MSRA: variants seen among roughly 807,000 people sequenced by gnomAD.
MSRA encodes mitochondrial peptide methionine sulfoxide reductase.
Under a neutral mutation model 31.3 loss-of-function variants are expected in MSRA, and 54 were observed. That is an observed-to-expected ratio of 1.73 (90% CI 1.39 to 2.17). The LOEUF is 2.17. MSRA is among the 30% of genes most tolerant of loss of function. The pLI, the probability that MSRA is intolerant of heterozygous loss-of-function variation, is 0.00. For synonymous variants in MSRA, 169 were observed against 116.5 expected (o/e 1.45, Z -2.90); for missense variants, 507 against 300.9 (o/e 1.69, Z -5.07).
chr8:10,347,174 C>T (rs1803834790), intron 5 of MSRA, among the ~76,000 whole-genome samples: 1 of 152,186 alleles, frequency 6.6e-6, no homozygotes, highest in African/African-American at 2.4e-5. Context: ...CTGTCTTGTT[C>T]ATCACTGTAT....
At chr8:10,274,801 A>G (rs1799235037) in intron 3 of MSRA, among the ~76,000 whole-genome samples, 4 of 151,884 alleles carry the variant, frequency 2.6e-5, no homozygotes, top group Admixed American at 2.6e-4. Flanking sequence ...TCATCTAACC[A>G]TTCATCCATC....
chr8:10,081,834 C>T (rs574318474), intron 1 of MSRA, among the ~76,000 whole-genome samples: 5 of 152,242 alleles, frequency 3.3e-5, no homozygotes, highest in South Asian at 2.1e-4. Flanking sequence ...AGATTCGAAG[C>T]GGGGACCTCT....
chr8:10,401,224 C>T (rs1031845429), intron 5 of MSRA, among the ~76,000 whole-genome samples: 1 of 151,908 alleles, frequency 6.6e-6, no homozygotes, highest in Non-Finnish European at 1.5e-5. Flanking sequence ...AGAAAGTAAC[C>T]CCCTTGAAAA....
chr8:10,152,933 T>C (rs890171707), intron 1 of MSRA, among the ~76,000 whole-genome samples: 1 of 152,144 alleles, frequency 6.6e-6, no homozygotes, highest in Non-Finnish European at 1.5e-5. Flanking sequence ...GTAATTCCAC[T>C]GAGTCGAGGT....
At chr8:10,204,916 A>C (rs768245956) in intron 1 of MSRA, among the ~76,000 whole-genome samples, 1 of 152,206 alleles carries the variant, frequency 6.6e-6, no homozygotes, top group Non-Finnish European at 1.5e-5. Flanking sequence ...CAGTCTACTG[A>C]TAGATGCAGT....
intron 5 of MSRA, among the ~76,000 whole-genome samples, chr8:10,398,070 A>C (rs1585680864): frequency 6.6e-6 from 1 of 152,332 alleles, no homozygotes; most frequent in East Asian, 1.9e-4. Context: ...TTGTGTAAAA[A>C]TCTACTTTGG....
chr8:10,218,805 G>C (rs1004901959), intron 2 of MSRA, among the ~76,000 whole-genome samples: 1 of 152,164 alleles, frequency 6.6e-6, no homozygotes, highest in Non-Finnish European at 1.5e-5. Context: ...TTTTCACTTG[G>C]GCGTTTAACC....
At chr8:10,289,765 G>A (rs1279830214) in intron 3 of MSRA, among the ~76,000 whole-genome samples, 1 of 152,168 alleles carries the variant, frequency 6.6e-6, no homozygotes, top group Non-Finnish European at 1.5e-5. Context: ...TTAGGAAAAC[G>A]TACGCTTGAC....
At chr8:10,368,248 G>C (rs573498453) in intron 5 of MSRA, among the ~76,000 whole-genome samples, 24 of 152,260 alleles carry the variant, frequency 1.6e-4, no homozygotes, top group Non-Finnish European at 1.8e-4. Context: ...TACTTTTAAC[G>C]CATTTTTACA....
chr8:10,263,063 C>G (rs1297961994), intron 3 of MSRA, among the ~76,000 whole-genome samples: 1 of 152,220 alleles, frequency 6.6e-6, no homozygotes, highest in Non-Finnish European at 1.5e-5. Context: ...CCGGCTTGGC[C>G]TTTGCCAGTG....
intron 1 of MSRA, among the ~76,000 whole-genome samples, chr8:10,160,160 G>C (rs572807507): frequency 1.3e-4 from 20 of 152,182 alleles, no homozygotes; most frequent in Admixed American, 8.5e-4. Flanking sequence ...AGTGGAAGTG[G>C]GTTAAAAATG....
intron 5 of MSRA, among the ~76,000 whole-genome samples, chr8:10,383,139 C>G (rs1806178402): frequency 6.6e-6 from 1 of 152,224 alleles, no homozygotes; most frequent in African/African-American, 2.4e-5. Flanking sequence ...AGAGTCAGGA[C>G]TGTCCCATGA....
At chr8:10,160,602 T>A (rs1381872013) in intron 1 of MSRA, among the ~76,000 whole-genome samples, 2 of 152,184 alleles carry the variant, frequency 1.3e-5, no homozygotes, top group African/African-American at 4.8e-5. Context: ...GAGGATCCTA[T>A]TCTCACTGCA....
At chr8:10,276,618 A>G (rs1015475618) in intron 3 of MSRA, among the ~76,000 whole-genome samples, 4 of 152,210 alleles carry the variant, frequency 2.6e-5, no homozygotes, top group Non-Finnish European at 4.4e-5. Flanking sequence ...TCCTTTATTA[A>G]TAACATCTCA....
At chr8:10,394,284 C>T (rs982285539) in intron 5 of MSRA, among the ~76,000 whole-genome samples, 3 of 152,104 alleles carry the variant, frequency 2.0e-5, no homozygotes, top group African/African-American at 4.8e-5. Flanking sequence ...TCCCCAGCGA[C>T]GATAGTTTGT....
chr8:10,174,378 G>T (rs1329202367), intron 1 of MSRA, among the ~76,000 whole-genome samples: 1 of 152,116 alleles, frequency 6.6e-6, no homozygotes, highest in Non-Finnish European at 1.5e-5. Flanking sequence ...GGATGGAGGA[G>T]CCCAGGAGGC....
At chr8:10,196,856 G>A (rs1032831369) in intron 1 of MSRA, among the ~76,000 whole-genome samples, 3 of 152,092 alleles carry the variant, frequency 2.0e-5, no homozygotes, top group African/African-American at 7.2e-5. Context: ...ACAGGCATGA[G>A]CCACTGTACC....
chr8:10,103,912 C>T (rs1440287670), intron 1 of MSRA, among the ~76,000 whole-genome samples: 1 of 151,810 alleles, frequency 6.6e-6, no homozygotes, highest in Non-Finnish European at 1.5e-5. Context: ...TGGTGTAGAA[C>T]ACTTTCATGC....
intron 5 of MSRA, among the ~76,000 whole-genome samples, chr8:10,362,923 T>C (rs1267199476): frequency 6.6e-6 from 1 of 152,132 alleles, no homozygotes; most frequent in Non-Finnish European, 1.5e-5. Flanking sequence ...ACTCAACTGC[T>C]TAAATGTCAT....
Sources: gnomAD v4.1 joint callset for allele counts (sites outside exome capture counted in the v4.1 genomes callset) on GRCh38, gnomAD v4.1.1 for gene constraint, MANE v1.5 for transcripts, NCBI Gene and HGNC (gene_info 2026-07-23, HGNC 2026-07-21) for gene names.